The following RABGEF1 variants were observed in gnomAD, a reference collection of about 807,000 sequenced individuals.
RABGEF1 encodes the protein rab5 GDP/GTP exchange factor.
RABGEF1 carries 26 observed loss-of-function variants against 57.3 expected under a neutral mutation model. That is an observed-to-expected ratio of 0.45 (90% CI 0.33 to 0.63). The LOEUF (loss-of-function observed/expected upper bound fraction) is 0.63. Among genes scored for constraint, RABGEF1 ranks in the 20% least tolerant of loss-of-function variants. RABGEF1 has a pLI of 0.02. For synonymous variants in RABGEF1, 185 were observed against 210.7 expected (o/e 0.88, Z 1.06); for missense variants, 464 against 607.6 (o/e 0.76, Z 2.48).
chr7:66,707,740 A>G (rs1794305148), intron 1 of RABGEF1, among the ~76,000 whole-genome samples: 1 of 152,196 alleles, frequency 6.6e-6, no homozygotes, highest in Non-Finnish European at 1.5e-5. Context: ...TGTATTGTTT[A>G]TCTTCCCTCC....
At chr7:66,734,384 C>CTCTTTGA (rs1400300770) in intron 2 of RABGEF1, among the ~76,000 whole-genome samples, 1 of 152,176 alleles carries the variant, frequency 6.6e-6, no homozygotes, top group African/African-American at 2.4e-5. Context: ...GATGCTCACC[C>CTCTTTGA]TCTTTGAGCC....
intron 2 of RABGEF1, among the ~76,000 whole-genome samples, chr7:66,730,598 A>C: frequency 7.1e-6 from 1 of 141,754 alleles, no homozygotes. Flanking sequence ...TCACTGTGTC[A>C]CCCAGGCTGG....
At chr7:66,694,612 G>C (rs185884152) in intron 1 of RABGEF1, among the ~76,000 whole-genome samples, 3 of 152,358 alleles carry the variant, frequency 2.0e-5, no homozygotes, top group African/African-American at 2.4e-5. Context: ...GAGGGGCAGG[G>C]CCCAGGAGCT....
intron 1 of RABGEF1, among the ~76,000 whole-genome samples, chr7:66,747,628 T>C (rs1800550943): frequency 6.6e-6 from 1 of 152,240 alleles, no homozygotes; most frequent in Non-Finnish European, 1.5e-5. Context: ...TTTATTTTTG[T>C]AGTTCCTCTG....
At chr7:66,666,586 C>T in the RABGEF1 span, among the ~76,000 whole-genome samples, 1 of 152,206 alleles carries the variant, frequency 6.6e-6, no homozygotes, top group Non-Finnish European at 1.5e-5. Flanking sequence ...CGTTTCTTGC[C>T]TCCTTCTGAG....
At position 66,684,231 on chromosome 7, in the gene RABGEF1, G is replaced by T. The variant is rs192946652; in HGVS notation, c.-873+1973G>T. ...GAGGCCGAGGCGGTTGGATCACGAG[G>T]TCAGGAGTTCAAGACCAGCCTGACC... On this transcript the variant is annotated intron_variant and NMD_transcript_variant, in intron 1 of 9. Coordinates refer to the RABGEF1 transcript ENST00000607882. Among the ~76,000 whole-genome samples, 549 of 152,208 alleles carry T rather than the reference G, an allele frequency of 3.6e-3. 5 individuals carry two copies. Among genetic ancestry groups the T allele is most frequent in the African/African-American group, 0.013 (527 of 41,530 alleles).
the RABGEF1 span, among the ~76,000 whole-genome samples, chr7:66,662,168 G>C: frequency 6.6e-6 from 1 of 151,998 alleles, no homozygotes; most frequent in Non-Finnish European, 1.5e-5. Context: ...GAACCCGGGA[G>C]GGGCAGTTTG....
chr7:66,711,047 C>T (rs1324008775), intron 1 of RABGEF1, among the ~76,000 whole-genome samples: 2 of 152,126 alleles, frequency 1.3e-5, no homozygotes, highest in Non-Finnish European at 2.9e-5. Context: ...GTAGTCCCAG[C>T]TACTCAGGAG....
the RABGEF1 span, among the ~76,000 whole-genome samples, chr7:66,657,639 G>T: frequency 6.6e-6 from 1 of 152,116 alleles, no homozygotes; most frequent in Non-Finnish European, 1.5e-5. Flanking sequence ...TAACCAACAT[G>T]GCAAAAGCCC....
chr7:66,675,724 G>A, the RABGEF1 span, among the ~76,000 whole-genome samples: 1 of 152,124 alleles, frequency 6.6e-6, no homozygotes, highest in Non-Finnish European at 1.5e-5. Context: ...AATAAATTCA[G>A]CAATGTAATA....
chr7:66,706,705 C>T (rs1450258633), intron 1 of RABGEF1, among the ~76,000 whole-genome samples: 3 of 151,414 alleles, frequency 2.0e-5, no homozygotes, highest in African/African-American at 7.3e-5. Flanking sequence ...TGAGCCACCG[C>T]GCCTAGCTGA....
chr7:66,729,654 C>G (rs1193218319), intron 2 of RABGEF1, among the ~76,000 whole-genome samples: 1 of 152,204 alleles, frequency 6.6e-6, no homozygotes, highest in East Asian at 1.9e-4. Flanking sequence ...TCTTCACTAA[C>G]TCCACCATCA....
chr7:66,758,673 A>G (rs1320772188), intron 1 of RABGEF1, among the ~76,000 whole-genome samples: 2 of 151,954 alleles, frequency 1.3e-5, no homozygotes, highest in African/African-American at 4.8e-5. Flanking sequence ...GTGATGTCCA[A>G]TCTGGGTGTG....
intron 1 of RABGEF1, among the ~76,000 whole-genome samples, chr7:66,709,003 C>T (rs1217694259): frequency 1.3e-5 from 2 of 151,616 alleles, no homozygotes. Context: ...AGTAGTATGA[C>T]CTTATTTTAA....
intron 3 of RABGEF1, among the ~76,000 whole-genome samples, chr7:66,779,626 C>T (rs1031062268): frequency 2.1e-4 from 31 of 149,552 alleles, no homozygotes; most frequent in Middle Eastern, 6.8e-3. Context: ...GTGCTGTGAT[C>T]ATGCAACCGT....
intron 2 of RABGEF1, among the ~76,000 whole-genome samples, chr7:66,732,724 GCT>G (rs371982698): frequency 4.0e-5 from 6 of 151,362 alleles, no homozygotes; most frequent in Admixed American, 2.0e-4. Context: ...ACTCTCTCTC[GCT>G]CTCTCTCTCT....
At chr7:66,767,975 T>C (rs1806166675) in intron 1 of RABGEF1, among the ~76,000 whole-genome samples, 1 of 152,188 alleles carries the variant, frequency 6.6e-6, no homozygotes, top group Admixed American at 6.5e-5. Flanking sequence ...TGAGTAGCAT[T>C]CTGTTGTATG....
chr7:66,805,937 G>T (rs149512688), intron 8 of RABGEF1, among the ~76,000 whole-genome samples: 1 of 151,094 alleles, frequency 6.6e-6, no homozygotes, highest in Non-Finnish European at 1.5e-5. Flanking sequence ...GAGAGATGGG[G>T]TCTCGCTGTG....
chr7:66,677,162 TACC>T (rs1053055340), upstream of RABGEF1, among the ~76,000 whole-genome samples: 36 of 152,312 alleles, frequency 2.4e-4, no homozygotes, highest in African/African-American at 8.2e-4. Flanking sequence ...ATGTACATTT[TACC>T]ACAATACAAA....
Sources: allele counts gnomAD v4.1 joint callset (sites outside exome capture counted in the v4.1 genomes callset), GRCh38; gene constraint gnomAD v4.1.1; transcripts MANE v1.5; gene names NCBI Gene and HGNC (gene_info 2026-07-23, HGNC 2026-07-21).